INO80: variants seen among roughly 807,000 people sequenced by gnomAD.
The protein encoded by INO80 is INO80 complex ATPase subunit.
INO80 carries 20 observed loss-of-function variants against 203.4 expected under a neutral mutation model. The observed-to-expected ratio is 0.10, with a 90% CI of 0.07 to 0.14. The LOEUF (loss-of-function observed/expected upper bound fraction) is 0.14. Among genes scored for constraint, INO80 ranks in the 10% least tolerant of loss-of-function variants. The pLI is 1.00. For missense variants in INO80, 1,419 were observed against 1,914.4 expected, an observed-to-expected ratio of 0.74 and a Z score of 4.83; for synonymous variants, 726 against 685.2, an observed-to-expected ratio of 1.06 and a Z score of -0.93.
At chr15:41,007,587 C>G (rs1385266251) in intron 27 of INO80, among the ~76,000 whole-genome samples, 1 of 151,782 alleles carries the variant, frequency 6.6e-6, no homozygotes, top group Non-Finnish European at 1.5e-5. Flanking sequence ...GCCAGCACAA[C>G]CCCGGGGATA....
intron 12 of INO80, 23 bp downstream of exon 12, chr15:41,071,826 A>G (rs919556785): frequency 6.4e-7 from 1 of 1,557,720 alleles, no homozygotes; most frequent in Non-Finnish European, 8.9e-7. Context: ...AATAGAAGAG[A>G]ATGACACGGT....
intron 22 of INO80, 33 bp downstream of exon 22, chr15:41,048,179 C>A: frequency 6.4e-7 from 1 of 1,552,222 alleles, no homozygotes; most frequent in Non-Finnish European, 8.9e-7. Context: ...AAAACCCTGA[C>A]AAACCTACTT....
At chr15:41,042,408 T>C (rs1227323359) in intron 24 of INO80, among the ~76,000 whole-genome samples, 1 of 152,160 alleles carries the variant, frequency 6.6e-6, no homozygotes, top group Non-Finnish European at 1.5e-5. Context: ...CACCTTGGCC[T>C]TCCGAAGTGC....
intron 27 of INO80, chr15:41,013,095 AACAACAACC>A (rs1370984898): frequency 5.3e-5 from 8 of 152,218 alleles, no homozygotes; most frequent in African/African-American, 9.6e-5. Flanking sequence ...CAACAACAAC[AACAACAACC>A]ACCACAACAA....
rs751312003 is a variant in INO80, at chr15:41,053,919, C to T, written c.2274+10G>A. On this transcript the variant is annotated intron_variant, in intron 19 of 35. Coordinates refer to ENST00000648947, the MANE Select transcript of INO80 (RefSeq NM_017553.3). Reference sequence around the variant, plus strand: ...TTGAGGCTTAAACACATGAGGTCTTCTTTACTTACCTTGTCAGATAATTCA... The same window carrying T: ...TTGAGGCTTAAACACATGAGGTCTTTTTTACTTACCTTGTCAGATAATTCA... 6.8e-6 allele frequency: 11 copies of T among 1,609,328 alleles called. No homozygotes were observed. The highest frequency in any genetic ancestry group is 1.3e-5 in the African/African-American group (1 of 74,820).
chr15:41,048,243 G>T lies in INO80; in HGVS notation c.2610C>A (p.Asp870Glu). The T allele has an allele frequency of 6.2e-7, 1 of 1,613,416 alleles. No homozygotes were observed. The highest frequency in any genetic ancestry group is 8.5e-7 in the Non-Finnish European group (1 of 1,179,526). Residue 870 changes from aspartate (D) to glutamate (E), a missense_variant, in exon 22 of 36, where the codon GAC (aspartate) becomes GAA (glutamate). Around this residue, in one of 9 missense-constraint regions of INO80, gnomAD observed 302 missense variants for 345.4 expected, o/e 0.87. Coordinates refer to ENST00000648947, the MANE Select transcript of INO80 (RefSeq NM_017553.3). ...WLRVLSPFAPDYIQRSLFHRK... is the reference protein window; with the variant it reads ...WLRVLSPFAPEYIQRSLFHRK... ...TGTGAAAGAGAGACCGTTGGATATA[G>T]TCTGGTGCAAATGGAGAAAGAACCC...
At position 40,982,977 on chromosome 15, in the gene INO80, C is replaced by T. The variant is rs1450856861; in HGVS notation, c.4338G>A (p.Lys1446=). Residue 1446 remains lysine (K), a synonymous_variant, in exon 35 of 36, where the codon AAG becomes AAA. Coordinates refer to ENST00000648947, the MANE Select transcript of INO80 (RefSeq NM_017553.3). Reference sequence around the variant, plus strand: ...CTGCCGTGGACTTTCGGCTCCGGCCCTTCCCTGCTCCTTTGGCTGTGCTTC... The same window carrying T: ...CTGCCGTGGACTTTCGGCTCCGGCCTTTCCCTGCTCCTTTGGCTGTGCTTC... ...GSGSTAKGAG[K]GRSRKSTAGS... is the part of the protein sequence containing the mutation. 6.2e-7 allele frequency: 1 copy of T among 1,614,104 alleles called. No homozygotes were observed. The highest frequency in any genetic ancestry group is 2.2e-5 in the East Asian group (1 of 44,900).
intron 27 of INO80, among the ~76,000 whole-genome samples, chr15:41,012,560 T>TAAAAAAA (rs1203728859): frequency 9.7e-4 from 5 of 5,178 alleles, no homozygotes; most frequent in East Asian, 0.042. Context: ...GAGACTCTTT[T>TAAAAAAA]TAAAAAAAAA....
At chr15:41,004,469 A>G (rs2044008138) in intron 28 of INO80, 4 of 152,242 alleles carry the variant, frequency 2.6e-5, no homozygotes, top group Admixed American at 2.0e-4. Context: ...TGCAATTAAA[A>G]GCCAAAGTCA....
intron 14 of INO80, among the ~76,000 whole-genome samples, chr15:41,067,493 T>C (rs1285592353): frequency 6.6e-6 from 1 of 152,034 alleles, no homozygotes; most frequent in African/African-American, 2.4e-5. Context: ...GAGAAAATAG[T>C]CAACAAACTG....
chr15:40,982,045 CCT>C (rs1369804643), intron 35 of INO80, among the ~76,000 whole-genome samples: 1 of 152,222 alleles, frequency 6.6e-6, no homozygotes, highest in Non-Finnish European at 1.5e-5. Context: ...TTTTCATTCC[CCT>C]GTATTTTGCC....
At chr15:40,992,664 T>C (rs781422265) in intron 29 of INO80, among the ~76,000 whole-genome samples, 2 of 152,214 alleles carry the variant, frequency 1.3e-5, no homozygotes, top group Non-Finnish European at 2.9e-5. Context: ...CGGAATTAAT[T>C]TCAATCTTGC....
At chr15:41,031,101 C>G (rs117290268) in intron 24 of INO80, among the ~76,000 whole-genome samples, 1 of 152,254 alleles carries the variant, frequency 6.6e-6, no homozygotes, top group Non-Finnish European at 1.5e-5. Flanking sequence ...AACATATAGC[C>G]TCAACTTTAG....
intron 16 of INO80, 69 bp downstream of exon 16, chr15:41,058,570 C>G (rs111923245): frequency 1.8e-6 from 1 of 542,728 alleles, no homozygotes; most frequent in Non-Finnish European, 3.0e-6. Flanking sequence ...TGTGTGTGTG[C>G]GTGTGTGTGT....
At chr15:41,052,290 CA>C (rs1317124842) in intron 19 of INO80, among the ~76,000 whole-genome samples, 1 of 152,006 alleles carries the variant, frequency 6.6e-6, no homozygotes, top group East Asian at 1.9e-4. Flanking sequence ...CAGCCAATTT[CA>C]AAAAACTACC....
At chr15:41,111,559 C>T (rs911278472) in intron 1 of INO80, among the ~76,000 whole-genome samples, 20 of 152,104 alleles carry the variant, frequency 1.3e-4, no homozygotes, top group African/African-American at 4.8e-4. Context: ...AATCCCAGCA[C>T]TTTGGGAGGC....
At chr15:41,055,982 T>C (rs1337037415) in intron 17 of INO80, among the ~76,000 whole-genome samples, 1 of 149,226 alleles carries the variant, frequency 6.7e-6, no homozygotes, top group East Asian at 2.0e-4. Context: ...TCTCACTCTG[T>C]TGCCCAGGCT....
intron 29 of INO80, among the ~76,000 whole-genome samples, chr15:40,994,259 C>CT (rs1384013396): frequency 6.6e-6 from 1 of 152,162 alleles, no homozygotes; most frequent in African/African-American, 2.4e-5. Flanking sequence ...CAAATGTCAC[C>CT]TTATCAGAGA....
intron 29 of INO80, among the ~76,000 whole-genome samples, chr15:40,988,562 G>C (rs952446892): frequency 6.6e-6 from 1 of 152,066 alleles, no homozygotes; most frequent in African/African-American, 2.4e-5. Flanking sequence ...CTCCAGCCTG[G>C]GTGACAGAGC....
Sources: allele counts gnomAD v4.1 joint callset (sites outside exome capture counted in the v4.1 genomes callset), GRCh38; gene constraint gnomAD v4.1.1; regional missense constraint gnomAD v4.1.1; transcripts MANE v1.5; gene names NCBI Gene and HGNC (gene_info 2026-07-23, HGNC 2026-07-21).